The following DLGAP2 variants were observed in gnomAD, a reference collection of about 807,000 sequenced individuals.
DLGAP2 encodes the protein DLG associated protein 2, also known as disks large-associated protein 2.
A neutral mutation model predicts 100.3 loss-of-function variants in DLGAP2; 26 were observed. The ratio of observed to expected loss-of-function variants is 0.26; its 90% CI spans 0.19 to 0.36. The LOEUF (loss-of-function observed/expected upper bound fraction) is 0.36, where lower values mean the gene tolerates loss of function less well. Ranked by LOEUF, DLGAP2 falls within the 10% of genes least tolerant of loss-of-function variation. The pLI is 1.00. For missense variants in DLGAP2, 1,858 were observed against 1,453.2 expected, an observed-to-expected ratio of 1.28 and a Z score of -4.53; for synonymous variants, 886 against 630.1, an observed-to-expected ratio of 1.41 and a Z score of -6.08.
intron 3 of DLGAP2, among the ~76,000 whole-genome samples, chr8:1,389,284 G>A (rs1796292438): frequency 7.2e-6 from 1 of 138,276 alleles, no homozygotes; most frequent in Admixed American, 6.8e-5. Context: ...TCAGTGGGGA[G>A]GGGACTCTGG....
At chr8:1,309,460 G>A (rs528500786) in intron 3 of DLGAP2, among the ~76,000 whole-genome samples, 1 of 152,164 alleles carries the variant, frequency 6.6e-6, no homozygotes, top group East Asian at 1.9e-4. Flanking sequence ...GGATGATAAA[G>A]TTCCTAAAGA....
intron 1 of DLGAP2, among the ~76,000 whole-genome samples, chr8:762,036 G>A (rs377431856): frequency 6.6e-6 from 1 of 152,132 alleles, no homozygotes; most frequent in Non-Finnish European, 1.5e-5. Flanking sequence ...ATGATAGGTC[G>A]CTGTGGGTTT....
chr8:1,272,441 C>A (rs572886796), intron 3 of DLGAP2, among the ~76,000 whole-genome samples: 1 of 151,434 alleles, frequency 6.6e-6, no homozygotes, highest in Admixed American at 6.6e-5. Context: ...AAGTTATGTA[C>A]GTATCTATAT....
chr8:1,555,170 A>G (rs1801919049), intron 5 of DLGAP2, among the ~76,000 whole-genome samples: 1 of 152,120 alleles, frequency 6.6e-6, no homozygotes, highest in African/African-American at 2.4e-5. Context: ...GGAGCTTCTC[A>G]TCCCCTTTTA....
chr8:1,159,784 C>T (rs963567927), intron 2 of DLGAP2, among the ~76,000 whole-genome samples: 3 of 152,144 alleles, frequency 2.0e-5, no homozygotes, highest in Non-Finnish European at 2.9e-5. Flanking sequence ...ATTCAAGGAA[C>T]GAATGAAAAG....
intron 2 of DLGAP2, among the ~76,000 whole-genome samples, chr8:965,170 CTGCGCT>C (rs1799821702): frequency 1.4e-5 from 2 of 146,376 alleles, no homozygotes; most frequent in African/African-American, 2.5e-5. Context: ...AGTCTGACCC[CTGCGCT>C]GCACACGGCA....
At chr8:1,067,291 T>C (rs1463631786) in intron 2 of DLGAP2, among the ~76,000 whole-genome samples, 1 of 152,220 alleles carries the variant, frequency 6.6e-6, no homozygotes, top group African/African-American at 2.4e-5. Context: ...TATGCTCTGG[T>C]CAGGAGGTTC....
rs147374570 is a variant in DLGAP2 at position 1,315,295 on chromosome 8, G to A, written c.106+56412G>A. Among the ~76,000 whole-genome samples, 168 of 149,344 alleles carry A rather than the reference G, an allele frequency of 1.1e-3. 3 individuals are homozygous for A. The Middle Eastern group carries it at 0.014, about 13-fold the overall frequency. ...CAGCGTTTAAAAATAGAGCCTGTGC[G>A]AGTGCAGCGTCTCTCCAACATTGGT... On this transcript the variant is annotated intron_variant, in intron 3 of 14. Coordinates refer to ENST00000637795, the MANE Select transcript of DLGAP2 (RefSeq NM_001346810.2).
chr8:1,556,380 A>G (rs1443608463), intron 5 of DLGAP2, among the ~76,000 whole-genome samples: 1 of 152,004 alleles, frequency 6.6e-6, no homozygotes, highest in Non-Finnish European at 1.5e-5. Context: ...GCAGGAGTGC[A>G]GGTGGACGGG....
intron 2 of DLGAP2, among the ~76,000 whole-genome samples, chr8:914,099 A>G (rs969924317): frequency 6.6e-6 from 1 of 152,278 alleles, no homozygotes; most frequent in African/African-American, 2.4e-5. Flanking sequence ...CTTTTTACCC[A>G]GATACTAAAA....
At chr8:1,219,837 G>A (rs1402313602) in intron 2 of DLGAP2, among the ~76,000 whole-genome samples, 3 of 152,030 alleles carry the variant, frequency 2.0e-5, no homozygotes, top group Non-Finnish European at 4.4e-5. Flanking sequence ...GTTCAATCTT[G>A]GGAGATGGTA....
At chr8:904,154 G>A (rs1284587808) in intron 1 of DLGAP2, among the ~76,000 whole-genome samples, 1 of 152,266 alleles carries the variant, frequency 6.6e-6, no homozygotes, top group Non-Finnish European at 1.5e-5. Context: ...CACGTAGCCT[G>A]TGAGCATGTG....
intron 1 of DLGAP2, among the ~76,000 whole-genome samples, chr8:791,559 C>G (rs368644740): frequency 7.1e-4 from 108 of 152,238 alleles, no homozygotes; most frequent in African/African-American, 2.6e-3. Context: ...TATAATATGA[C>G]TATACATTTA....
chr8:1,314,703 C>T (rs1427828762), intron 3 of DLGAP2, among the ~76,000 whole-genome samples: 1 of 152,202 alleles, frequency 6.6e-6, no homozygotes, highest in Non-Finnish European at 1.5e-5. Context: ...CTCTCCCACC[C>T]CTATCCGCCT....
chr8:1,578,554 C>T (rs544988503), intron 6 of DLGAP2, among the ~76,000 whole-genome samples: 33 of 152,292 alleles, frequency 2.2e-4, no homozygotes, highest in African/African-American at 7.9e-4. Flanking sequence ...CCTGCAAAGA[C>T]TGCAGGAATT....
At chr8:1,589,755 T>C (rs4281136) in intron 6 of DLGAP2, among the ~76,000 whole-genome samples, 80,378 of 152,080 alleles carry the variant, frequency 0.53, 22,029 homozygotes, top group African/African-American at 0.68. Flanking sequence ...AGAACCACAT[T>C]ACAGGGAGTG....
intron 12 of DLGAP2, among the ~76,000 whole-genome samples, chr8:1,684,885 GT>G (rs1180760164): frequency 2.6e-5 from 4 of 152,128 alleles, no homozygotes; most frequent in African/African-American, 9.7e-5. Context: ...GGGAGCACAT[GT>G]ACACACAGGA....
chr8:1,491,504 A>G (rs948154510), intron 3 of DLGAP2, among the ~76,000 whole-genome samples: 2 of 152,220 alleles, frequency 1.3e-5, no homozygotes, highest in African/African-American at 4.8e-5. Context: ...GCTTTGTAAA[A>G]TGCCCTTCAC....
intron 5 of DLGAP2, among the ~76,000 whole-genome samples, chr8:1,560,263 A>T (rs1248694758): frequency 1.3e-5 from 2 of 152,192 alleles, no homozygotes; most frequent in African/African-American, 4.8e-5. Flanking sequence ...GTGCTTTAAA[A>T]ATTGCTTTTC....
Sources: gnomAD v4.1 joint callset for allele counts (sites outside exome capture counted in the v4.1 genomes callset) on GRCh38, gnomAD v4.1.1 for gene constraint, MANE v1.5 for transcripts, NCBI Gene and HGNC (gene_info 2026-07-23, HGNC 2026-07-21) for gene names.